The following ANXA6 variants were observed in gnomAD, a reference collection of about 807,000 sequenced individuals.
ANXA6 encodes 67 kDa calelectrin.
In ANXA6, 71 loss-of-function variants were observed where a neutral mutation model predicts 95.4. That is an observed-to-expected ratio of 0.74 (90% confidence interval 0.61 to 0.91). The LOEUF (loss-of-function observed/expected upper bound fraction) is 0.91, where lower values mean the gene tolerates loss of function less well. ANXA6 is among the 40% of genes least tolerant of loss of function. ANXA6 has a pLI of 0.00. For synonymous variants in ANXA6, 289 were observed against 315.9 expected (o/e 0.91, Z 0.90); for missense variants, 830 against 876.4 (o/e 0.95, Z 0.67).
intron 9 of ANXA6, among the ~76,000 whole-genome samples, 171 bp from the exon 10 acceptor site, chr5:151,132,742 G>T (rs188819312): frequency 3.5e-4 from 54 of 152,180 alleles, no homozygotes; most frequent in Admixed American, 1.2e-3. Flanking sequence ...CCAGCGCTGT[G>T]CAGATGAGCT....
At chr5:151,138,623 A>C in intron 5 of ANXA6, 55 bp downstream of exon 5, 1 of 1,322,910 alleles carries the variant, frequency 7.6e-7, no homozygotes, top group Non-Finnish European at 1.1e-6. Context: ...AGAGCCCAGA[A>C]TCTTCCCATT....
chr5:151,110,432 C>T (rs865930543), intron 21 of ANXA6, among the ~76,000 whole-genome samples, 195 bp downstream of exon 21: 3 of 152,154 alleles, frequency 2.0e-5, no homozygotes, highest in Admixed American at 1.3e-4. Context: ...CAGCACAAAT[C>T]GTGCCAGAGA....
chr5:151,126,442 G>T lies in ANXA6; in HGVS notation c.1016C>A (p.Ala339Asp). The T allele has an allele frequency of 6.2e-7, 1 of 1,611,082 alleles. No individual in the cohort carries two copies. Among genetic ancestry groups the T allele is most frequent in the Non-Finnish European group, 8.5e-7 (1 of 1,178,736 alleles). ...GQFFPEAAQV[A>D]YQMWELSAVA... ...TGCACTAAGTTCCCACATCTGATAG[G>T]CCACCTGCGCTGCCTCCGGGAAGAA... Residue 339 changes from alanine (A) to aspartate (D), a missense_variant, in exon 14 of 26, where the codon GCC becomes GAC. Ala to Asp is a moderately radical substitution (Grantham distance 126). Transcript: ENST00000354546.
Position 151,128,191 on chromosome 5 carries a change from C to T in ANXA6, c.967G>A (p.Gly323Arg). 6.2e-7 allele frequency: 1 copy of T among 1,612,488 alleles called. No individual in the cohort carries two copies. The highest frequency in any genetic ancestry group is 8.5e-7 in the Non-Finnish European group (1 of 1,179,336). The change falls in exon 13 of 26, where the codon GGA (glycine) becomes AGA (arginine). Residue 323 changes from glycine to arginine, a missense_variant. By Grantham distance (125) the Gly-to-Arg change is moderately radical (BLOSUM62 -2). Coordinates refer to ENST00000354546, the MANE Select transcript of ANXA6 (RefSeq NM_001155.5). ...YKKTLLKLSG[G>R]DDDAAGQFFP... ...CAAGAAGCCACTTACTCATCATCTC[C>T]CCCAGACAGCTTCAGCAGAGTCTTC...
chr5:151,154,535 C>T (rs1183176083), intron 1 of ANXA6, among the ~76,000 whole-genome samples: 1 of 152,102 alleles, frequency 6.6e-6, no homozygotes, highest in African/African-American at 2.4e-5. Flanking sequence ...AATCTAGATC[C>T]TTCCCTCTTT....
chr5:151,105,658 G>C (rs1177854345), intron 23 of ANXA6, among the ~76,000 whole-genome samples: 4 of 152,126 alleles, frequency 2.6e-5, no homozygotes, highest in Non-Finnish European at 5.9e-5. Context: ...TAAAACTCAG[G>C]GTTTAGGCTC....
chr5:151,122,580 G>A (rs999475368), intron 16 of ANXA6, among the ~76,000 whole-genome samples: 1 of 152,252 alleles, frequency 6.6e-6, no homozygotes, highest in African/African-American at 2.4e-5. Context: ...CTGACACTCA[G>A]TTGGGGCCTT....
chr5:151,137,256 G>A lies in ANXA6; in HGVS notation c.384C>T (p.His128=), dbSNP rs369946660. The change falls in exon 6 of 26, where the codon CAC becomes CAT. Residue 128 remains histidine, a synonymous_variant. Coordinates refer to ENST00000354546, the MANE Select transcript of ANXA6 (RefSeq NM_001155.5). ...CATCTTTGTATGCTGCCACCAGCTG[G>A]TGCATCTGCTCATTGGTCCGGGAAG... The part of the protein sequence containing the change: ...ILASRTNEQM[H]QLVAAYKDAY... 3 of 1,613,654 alleles carry A rather than the reference G, an allele frequency of 1.9e-6. No homozygotes were observed. The highest frequency in any genetic ancestry group is 1.1e-5 in the South Asian group (1 of 91,024).
intron 2 of ANXA6, among the ~76,000 whole-genome samples, chr5:151,146,582 G>A (rs1390405541): frequency 6.6e-6 from 1 of 152,160 alleles, no homozygotes; most frequent in African/African-American, 2.4e-5. Context: ...GGGAACATGA[G>A]GCCCAAAGAC....
chr5:151,147,770 T>A, intron 2 of ANXA6, 114 bp downstream of exon 2: 1 of 1,200,016 alleles, frequency 8.3e-7, no homozygotes, highest in African/African-American at 1.5e-5. Context: ...GAACCTTTCC[T>A]CCTTTTTTCA....
chr5:151,140,302 C>T (rs1398258282), intron 2 of ANXA6, 59 bp from the exon 3 acceptor site: 2 of 1,472,828 alleles, frequency 1.4e-6, no homozygotes, highest in East Asian at 2.3e-5. Flanking sequence ...AAGCTCCCAG[C>T]CCCAACCTCA....
chr5:151,129,641 C>A, intron 11 of ANXA6, 112 bp from the exon 12 acceptor site: 3 of 1,278,940 alleles, frequency 2.3e-6, no homozygotes, highest in Non-Finnish European at 3.2e-6. Context: ...AAATTTAGAG[C>A]AAAAGAAGCA....
At chr5:151,109,610 C>T (rs1032147328) in intron 22 of ANXA6, 143 bp downstream of exon 22, 29 of 634,408 alleles carry the variant, frequency 4.6e-5, no homozygotes, top group Middle Eastern at 4.2e-4. Context: ...GCTCCAGAGT[C>T]GCCGTCACCC....
intron 1 of ANXA6, among the ~76,000 whole-genome samples, chr5:151,155,917 C>A (rs914025334): frequency 1.3e-5 from 2 of 152,162 alleles, no homozygotes; most frequent in Admixed American, 6.5e-5. Context: ...TGCTGCAGTG[C>A]GGATGTGCCA....
At chr5:151,125,345 A>AAAT (rs1401589063) in intron 14 of ANXA6, among the ~76,000 whole-genome samples, 1 of 89,208 alleles carries the variant, frequency 1.1e-5, no homozygotes, top group Non-Finnish European at 2.1e-5. Flanking sequence ...CTGTCTCAAA[A>AAAT]AAAAAAAAAA....
At chr5:151,109,627 C>T (rs563093362) in intron 22 of ANXA6, 126 bp downstream of exon 22, 19 of 708,838 alleles carry the variant, frequency 2.7e-5, no homozygotes, top group East Asian at 5.5e-5. Flanking sequence ...ACCCATGACA[C>T]GCTACTGCTG....
At chr5:151,127,976 C>A (rs1765374865) in intron 13 of ANXA6, among the ~76,000 whole-genome samples, 1 of 152,184 alleles carries the variant, frequency 6.6e-6, no homozygotes, top group Non-Finnish European at 1.5e-5. Context: ...GGAGACCACG[C>A]TCACGTTCAG....
chr5:151,136,668 G>A (rs931420671), intron 6 of ANXA6, among the ~76,000 whole-genome samples: 9 of 152,106 alleles, frequency 5.9e-5, no homozygotes, highest in Non-Finnish European at 1.2e-4. Flanking sequence ...ACCCATATCT[G>A]ATCATCATAC....
chr5:151,132,196 A>G (rs550413962), intron 10 of ANXA6, among the ~76,000 whole-genome samples: 1 of 152,268 alleles, frequency 6.6e-6, no homozygotes, highest in East Asian at 1.9e-4. Context: ...GTCAACTATT[A>G]TGATCATCAT....
Sources: gnomAD v4.1 joint callset for allele counts (sites outside exome capture counted in the v4.1 genomes callset) on GRCh38, gnomAD v4.1.1 for gene constraint, MANE v1.5 for transcripts, NCBI Gene and HGNC (gene_info 2026-07-23, HGNC 2026-07-21) for gene names.